Variants in ALCAM observed in about 807,000 individuals in gnomAD.
ALCAM encodes the protein activated leukocyte cell adhesion molecule.
A neutral mutation model predicts 70.9 loss-of-function variants in ALCAM; 30 were observed. The observed-to-expected ratio is 0.42, with a 90% CI of 0.32 to 0.57. The LOEUF is 0.57. Ranked by LOEUF, ALCAM falls within the 20% of genes least tolerant of loss-of-function variation. The probability of loss-of-function intolerance (pLI) is 0.11; values close to 1 mark genes in which losing one functional copy is unlikely to be tolerated. For synonymous variants in ALCAM, 249 were observed against 242.5 expected (o/e 1.03, Z -0.25); for missense variants, 591 against 695.1 (o/e 0.85, Z 1.68).
At chr3:105,418,156 A>G (rs772264710) in intron 1 of ALCAM, among the ~76,000 whole-genome samples, 3 of 151,870 alleles carry the variant, frequency 2.0e-5, no homozygotes, top group Non-Finnish European at 4.4e-5. Flanking sequence ...AAATTCACCA[A>G]GTATAAGCTC....
chr3:105,551,785 A>T (rs1049052333), intron 12 of ALCAM, among the ~76,000 whole-genome samples: 7 of 151,648 alleles, frequency 4.6e-5, no homozygotes, highest in African/African-American at 1.7e-4. Flanking sequence ...GTTGATAAAC[A>T]TCACACTGTA....
chr3:105,530,834 A>T (rs1166974886), intron 3 of ALCAM, among the ~76,000 whole-genome samples: 1 of 152,040 alleles, frequency 6.6e-6, no homozygotes, highest in Non-Finnish European at 1.5e-5. Context: ...TAATCTAAAG[A>T]TATCCATTTT....
intron 1 of ALCAM, among the ~76,000 whole-genome samples, chr3:105,404,288 C>T (rs1273831886): frequency 5.3e-5 from 8 of 151,948 alleles, no homozygotes; most frequent in Admixed American, 4.6e-4. Flanking sequence ...ATGTAGTCAT[C>T]GTTATCTAGT....
intron 1 of ALCAM, among the ~76,000 whole-genome samples, chr3:105,501,469 A>G (rs1353194702): frequency 2.0e-5 from 3 of 152,216 alleles, no homozygotes; most frequent in Non-Finnish European, 4.4e-5. Flanking sequence ...GTATTTTGAC[A>G]TGTAATTTTA....
At chr3:105,397,777 T>C (rs1935990958) in intron 1 of ALCAM, among the ~76,000 whole-genome samples, 1 of 152,100 alleles carries the variant, frequency 6.6e-6, no homozygotes, top group Non-Finnish European at 1.5e-5. Flanking sequence ...ATGAAGCTTT[T>C]AAAAAAATTG....
chr3:105,516,192 A>G (rs2152621497), intron 1 of ALCAM, among the ~76,000 whole-genome samples: 1 of 151,998 alleles, frequency 6.6e-6, no homozygotes, highest in Non-Finnish European at 1.5e-5. Context: ...CTGAATTTTA[A>G]TCTACCTCAA....
At position 105,382,707 on chromosome 3, in the gene ALCAM, T is replaced by A. The variant is rs1935554297; in HGVS notation, c.73+15226T>A. On this transcript the variant is annotated intron_variant, in intron 1 of 15. Transcript: ENST00000306107. ...GATGGCCAGTGATGATGAGCATTTT[T>A]TCATGTGTCTCTTGCCTGCATAAAT... 2.0e-5 allele frequency among the ~76,000 whole-genome samples: 3 copies of A among 152,208 alleles called. No homozygotes were observed. In the South Asian group the frequency reaches 6.2e-4, roughly 32 times the overall value.
chr3:105,508,932 G>A (rs1192253702), intron 1 of ALCAM, among the ~76,000 whole-genome samples: 1 of 151,982 alleles, frequency 6.6e-6, no homozygotes, highest in Non-Finnish European at 1.5e-5. Context: ...CTGTGTATTT[G>A]CCTTTTCTAG....
At chr3:105,559,545 G>A (rs1172666039) in intron 14 of ALCAM, among the ~76,000 whole-genome samples, 1 of 151,822 alleles carries the variant, frequency 6.6e-6, no homozygotes, top group Non-Finnish European at 1.5e-5. Context: ...CCTTTTAGGA[G>A]GGCACTAATC....
At chr3:105,475,006 A>C (rs1938062719) in intron 1 of ALCAM, among the ~76,000 whole-genome samples, 1 of 151,882 alleles carries the variant, frequency 6.6e-6, no homozygotes, top group African/African-American at 2.4e-5. Context: ...TTAATTATCT[A>C]ACAACTATGT....
intron 1 of ALCAM, among the ~76,000 whole-genome samples, chr3:105,506,973 T>C (rs1559814980): frequency 6.6e-6 from 1 of 152,246 alleles, no homozygotes; most frequent in Non-Finnish European, 1.5e-5. Context: ...TGCCAAAGCT[T>C]TGCCCTTGAA....
chr3:105,502,101 A>G (rs1938937046), intron 1 of ALCAM, among the ~76,000 whole-genome samples: 1 of 152,250 alleles, frequency 6.6e-6, no homozygotes, highest in Non-Finnish European at 1.5e-5. Flanking sequence ...TAATAGGGCT[A>G]GAAATTCCAA....
intron 7 of ALCAM, among the ~76,000 whole-genome samples, chr3:105,541,066 T>A (rs954878578): frequency 1.3e-5 from 2 of 151,936 alleles, no homozygotes; most frequent in African/African-American, 4.8e-5. Context: ...TGTTAACTTA[T>A]ATTATTCCTA....
chr3:105,540,078 A>T lies in ALCAM; in HGVS notation c.834A>T (p.Pro278=). 1 of 1,611,828 alleles carries T rather than the reference A, an allele frequency of 6.2e-7. No homozygotes were observed. Among genetic ancestry groups the T allele is most frequent in the Non-Finnish European group, 8.5e-7 (1 of 1,178,500 alleles). Residue 278 remains proline, a synonymous_variant, in exon 7 of 16, where the codon CCA becomes CCT. Coordinates refer to ENST00000306107, the MANE Select transcript of ALCAM (RefSeq NM_001627.4). ...GCTTAGGGAATGGCAACCCTCCCCCAGAGGAATTTTTGTTTTACTTACCAG... is the reference window on the plus strand; with the variant it reads ...GCTTAGGGAATGGCAACCCTCCCCCTGAGGAATTTTTGTTTTACTTACCAG... ...LKCLGNGNPP[P]EEFLFYLPGQ...
intron 1 of ALCAM, among the ~76,000 whole-genome samples, chr3:105,409,500 A>G (rs1165925877): frequency 6.6e-6 from 1 of 152,088 alleles, no homozygotes; most frequent in Non-Finnish European, 1.5e-5. Context: ...TGTGGGAGCT[A>G]AGCTATAAGG....
At chr3:105,546,497 G>A (rs1175410199) in intron 9 of ALCAM, among the ~76,000 whole-genome samples, 1 of 151,342 alleles carries the variant, frequency 6.6e-6, no homozygotes, top group Admixed American at 6.6e-5. Context: ...CTGCAATCTA[G>A]CATGATATGT....
intron 12 of ALCAM, 134 bp downstream of exon 12, chr3:105,550,393 T>A: frequency 1.1e-6 from 1 of 902,866 alleles, no homozygotes; most frequent in Non-Finnish European, 1.6e-6. Flanking sequence ...TTTGGTATCA[T>A]CATCATAAGG....
intron 1 of ALCAM, among the ~76,000 whole-genome samples, chr3:105,501,006 A>G (rs1456996949): frequency 6.6e-6 from 1 of 152,160 alleles, no homozygotes; most frequent in Non-Finnish European, 1.5e-5. Flanking sequence ...TCTCACAGAG[A>G]CTGTTTACTC....
In ALCAM at chr3:105,534,617, T is replaced by C. The variant is rs780684310; in HGVS notation, c.548-46T>C. The stretch of plus-strand genomic sequence containing the variant: ...GGTGCTGTTTCGTTAAGGATTGTGA[T>C]TGTCAGATGAAAGACCCTATCATCA... On this transcript the variant is annotated intron_variant, in intron 5 of 15. Transcript: ENST00000306107. 20 of 1,561,044 alleles carry C rather than the reference T, an allele frequency of 1.3e-5. No individual in the cohort carries two copies. The African/African-American group carries it at 2.0e-4, about 16-fold the overall frequency.
Sources: allele counts gnomAD v4.1 joint callset (sites outside exome capture counted in the v4.1 genomes callset), GRCh38; gene constraint gnomAD v4.1.1; transcripts MANE v1.5; gene names NCBI Gene and HGNC (gene_info 2026-07-23, HGNC 2026-07-21).